TMEM163: variants seen among roughly 807,000 people sequenced by gnomAD.
TMEM163 encodes transmembrane protein 163.
Under a neutral mutation model 29.3 loss-of-function variants are expected in TMEM163, and 17 were observed. The ratio of observed to expected loss-of-function variants is 0.58; its 90% confidence interval spans 0.40 to 0.87. The LOEUF is 0.87. TMEM163 is among the 40% of genes least tolerant of loss of function. The pLI is 0.00. For missense variants in TMEM163, 303 were observed against 381.5 expected (o/e 0.79, Z 1.71); for synonymous variants, 157 against 160.6 (o/e 0.98, Z 0.17).
At chr2:134,537,076 G>C (rs1202752610) in intron 4 of TMEM163, among the ~76,000 whole-genome samples, 1 of 152,136 alleles carries the variant, frequency 6.6e-6, no homozygotes, top group Non-Finnish European at 1.5e-5. Context: ...CACTGTTCTG[G>C]TCTCAAAGGT....
At chr2:134,583,997 A>G (rs1023888908) in intron 2 of TMEM163, among the ~76,000 whole-genome samples, 2 of 152,110 alleles carry the variant, frequency 1.3e-5, no homozygotes, top group Non-Finnish European at 2.9e-5. Context: ...GGAATTTCTG[A>G]CCATTTGTTC....
intron 7 of TMEM163, 24 bp from the exon 8 acceptor site, chr2:134,456,800 G>A (rs769715945): frequency 1.9e-6 from 3 of 1,611,972 alleles, no homozygotes; most frequent in African/African-American, 1.3e-5. Context: ...GACAGACAAG[G>A]TCACCTCCAT....
chr2:134,621,356 T>G (rs1400104529), intron 2 of TMEM163, among the ~76,000 whole-genome samples: 1 of 152,210 alleles, frequency 6.6e-6, no homozygotes, highest in Non-Finnish European at 1.5e-5. Flanking sequence ...AAAACTGGAA[T>G]GCTTATACGA....
chr2:134,570,053 T>C (rs183551043), intron 2 of TMEM163, among the ~76,000 whole-genome samples: 34 of 152,262 alleles, frequency 2.2e-4, no homozygotes, highest in Non-Finnish European at 3.1e-4. Flanking sequence ...ATTTACTTCA[T>C]AGTGGCCCCA....
intron 5 of TMEM163, among the ~76,000 whole-genome samples, chr2:134,476,453 A>G (rs1012059517): frequency 1.3e-5 from 2 of 152,210 alleles, no homozygotes; most frequent in African/African-American, 4.8e-5. Flanking sequence ...GGTGAATTTT[A>G]TTGTATGTAC....
intron 5 of TMEM163, chr2:134,468,926 G>A (rs1168191833): frequency 6.6e-6 from 1 of 152,210 alleles, no homozygotes; most frequent in Admixed American, 6.5e-5. Flanking sequence ...ACAAACACTT[G>A]GATCTCTGTA....
chr2:134,474,275 G>C (rs1001118180), intron 5 of TMEM163, among the ~76,000 whole-genome samples: 2 of 152,162 alleles, frequency 1.3e-5, no homozygotes, highest in African/African-American at 4.8e-5. Flanking sequence ...CATCTCAATA[G>C]ATGCAGAAAA....
intron 6 of TMEM163, among the ~76,000 whole-genome samples, chr2:134,465,663 A>T (rs1686655867): frequency 6.6e-6 from 1 of 152,236 alleles, no homozygotes; most frequent in South Asian, 2.1e-4. Context: ...ATTTCCCCAG[A>T]GCAGACACCT....
chr2:134,466,904 A>AAGAGACATTGGG (rs1250487738), intron 5 of TMEM163: 1 of 152,220 alleles, frequency 6.6e-6, no homozygotes, highest in Non-Finnish European at 1.5e-5. Flanking sequence ...GGGCCCATCC[A>AAGAGACATTGGG]GCTCTTCTGC....
At chr2:134,633,966 CATATAT>C (rs535811215) in intron 2 of TMEM163, among the ~76,000 whole-genome samples, 840 of 37,360 alleles carry the variant, frequency 0.022, 19 homozygotes, top group South Asian at 0.056. Context: ...AAAAAAAATA[CATATAT>C]ATATATATAT....
At chr2:134,704,790 G>A (rs6732326) in intron 2 of TMEM163, among the ~76,000 whole-genome samples, 5,270 of 152,274 alleles carry the variant, frequency 0.035, 294 homozygotes, top group African/African-American at 0.12. Flanking sequence ...GCTGCTAGAG[G>A]TATTTATTCT....
At chr2:134,551,897 C>T in intron 3 of TMEM163, 151 bp downstream of exon 3, 1 of 627,156 alleles carries the variant, frequency 1.6e-6, no homozygotes, top group Non-Finnish European at 2.8e-6. Flanking sequence ...GTTAAATTTT[C>T]ATTTTTTAAT....
intron 2 of TMEM163, among the ~76,000 whole-genome samples, chr2:134,687,318 A>G (rs1684370244): frequency 1.3e-5 from 2 of 152,222 alleles, no homozygotes. Flanking sequence ...CTCGGGTAAG[A>G]AGTAGCCATG....
intron 2 of TMEM163, among the ~76,000 whole-genome samples, chr2:134,594,994 A>G (rs1682036718): frequency 6.6e-6 from 1 of 152,138 alleles, no homozygotes; most frequent in African/African-American, 2.4e-5. Context: ...ACAAAAAAAG[A>G]TGGAAAATCT....
In TMEM163 at chr2:134,634,003, ATATATATATATATAT is replaced by A. The variant is rs1558971916; in HGVS notation, c.322+79182_322+79196del. Among the ~76,000 whole-genome samples, 12 of 29,452 alleles carry A rather than the reference ATATATATATATATAT, an allele frequency of 4.1e-4. No individual in the cohort carries two copies. The East Asian group carries it at 4.4e-3, about 11-fold the overall frequency. The allele number at this position is 29,452 out of a possible 152,430, so 19.3% of individuals were successfully genotyped here. Reference sequence around the variant, plus strand: ...TATATATATATATATATATATATATATATATATATATATATATAATAGGACTGTTTTAAGATGCAA... The same window carrying A: ...TATATATATATATATATATATATATAATAATAGGACTGTTTTAAGATGCAA... On this transcript the variant is annotated intron_variant, in intron 2 of 7. Coordinates refer to ENST00000281924, the MANE Select transcript of TMEM163 (RefSeq NM_030923.5).
intron 1 of TMEM163, among the ~76,000 whole-genome samples, chr2:134,718,069 C>G (rs1275780180): frequency 1.3e-5 from 2 of 152,234 alleles, no homozygotes; most frequent in Non-Finnish European, 1.5e-5. Flanking sequence ...CAGTGGCATC[C>G]ATCCAGATGA....
chr2:134,486,566 G>A (rs1049072078), intron 5 of TMEM163, among the ~76,000 whole-genome samples: 4 of 152,138 alleles, frequency 2.6e-5, no homozygotes, highest in African/African-American at 9.7e-5. Flanking sequence ...ATTTGCTGTC[G>A]AAACAAAATT....
At chr2:134,595,815 G>T (rs1319834072) in intron 2 of TMEM163, among the ~76,000 whole-genome samples, 2 of 152,198 alleles carry the variant, frequency 1.3e-5, no homozygotes, top group Non-Finnish European at 2.9e-5. Context: ...ATTCTAACTG[G>T]TGTGAGATAG....
At chr2:134,473,851 G>A (rs565823989) in intron 5 of TMEM163, among the ~76,000 whole-genome samples, 205 of 152,240 alleles carry the variant, frequency 1.3e-3, no homozygotes, top group African/African-American at 4.6e-3. Context: ...TGTATCAACC[G>A]AAGACCTTGA....
Sources: allele counts gnomAD v4.1 joint callset (sites outside exome capture counted in the v4.1 genomes callset), GRCh38; gene constraint gnomAD v4.1.1; transcripts MANE v1.5; gene names NCBI Gene and HGNC (gene_info 2026-07-23, HGNC 2026-07-21).